The following WWOX variants were observed in gnomAD, a reference collection of about 807,000 sequenced individuals.
WWOX encodes WW domain-containing oxidoreductase.
WWOX carries 69 observed loss-of-function variants against 46.2 expected under a neutral mutation model. That is an observed-to-expected ratio of 1.49 (90% CI 1.23 to 1.82). The LOEUF (loss-of-function observed/expected upper bound fraction) is 1.82. Among genes scored for constraint, WWOX ranks in the 40% most tolerant of loss-of-function variants. WWOX has a pLI of 0.00. For synonymous variants in WWOX, 359 were observed against 202.6 expected, an observed-to-expected ratio of 1.77 and a Z score of -6.56; for missense variants, 919 against 542.6, an observed-to-expected ratio of 1.69 and a Z score of -6.89.
At chr16:78,740,492 C>T (rs1461774306) in intron 8 of WWOX, among the ~76,000 whole-genome samples, 3 of 152,142 alleles carry the variant, frequency 2.0e-5, no homozygotes, top group Non-Finnish European at 2.9e-5. Flanking sequence ...TTCCGTTGCC[C>T]TCTGACCATG....
intron 8 of WWOX, among the ~76,000 whole-genome samples, chr16:78,467,445 A>G (rs1218058476): frequency 6.6e-6 from 1 of 152,222 alleles, no homozygotes; most frequent in Non-Finnish European, 1.5e-5. Flanking sequence ...TAAAACAGAA[A>G]TTAAAGACTG....
intron 8 of WWOX, among the ~76,000 whole-genome samples, chr16:78,791,764 C>G (rs62038602): frequency 0.14 from 21,533 of 152,036 alleles, 1,992 homozygotes; most frequent in South Asian, 0.21. Context: ...CCTATAATTG[C>G]AGCTACTTGG....
In WWOX at chr16:79,135,637, C is replaced by G. The variant is rs190544410; in HGVS notation, c.1057-75971C>G. 3.3e-5 allele frequency among the ~76,000 whole-genome samples: 5 copies of G among 152,200 alleles called. No individual in the cohort carries two copies. The East Asian group carries it at 9.7e-4, about 29-fold the overall frequency. On this transcript the variant is annotated intron_variant, in intron 8 of 8. Coordinates refer to ENST00000566780, the MANE Select transcript of WWOX (RefSeq NM_016373.4). Reference sequence around the variant, plus strand: ...AATGAGATGTACTTCAAATTTTTAACAGATATTTCAGTATTGACCTCCCAA... The same window carrying G: ...AATGAGATGTACTTCAAATTTTTAAGAGATATTTCAGTATTGACCTCCCAA...
At chr16:78,188,759 A>C (rs892310231) in intron 5 of WWOX, among the ~76,000 whole-genome samples, 1 of 152,136 alleles carries the variant, frequency 6.6e-6, no homozygotes, top group African/African-American at 2.4e-5. Flanking sequence ...AAGATCCTTC[A>C]TGGCTACTGG....
chr16:79,189,116 G>GGA (rs768497767), intron 8 of WWOX, among the ~76,000 whole-genome samples: 126 of 152,278 alleles, frequency 8.3e-4, no homozygotes, highest in Middle Eastern at 6.8e-3. Flanking sequence ...AGAAACCTAG[G>GGA]GAGAGAGATG....
chr16:78,450,571 C>G lies in WWOX; in HGVS notation c.1056+17819C>G, dbSNP rs376715831. On this transcript the variant is annotated intron_variant, in intron 8 of 8. Coordinates refer to ENST00000566780, the MANE Select transcript of WWOX (RefSeq NM_016373.4). ...ACCTGCATAATGTTTTCTTAGTATTCTCACTCTTTAAAAGAAAAAAGAAAA... is the reference window on the plus strand; with the variant it reads ...ACCTGCATAATGTTTTCTTAGTATTGTCACTCTTTAAAAGAAAAAAGAAAA... Among the ~76,000 whole-genome samples the G allele has an allele frequency of 5.6e-4, 85 of 152,206 alleles. No homozygotes were observed. The South Asian group carries it at 0.012, about 22-fold the overall frequency.
At chr16:78,176,772 T>G (rs934132500) in intron 5 of WWOX, among the ~76,000 whole-genome samples, 2 of 152,136 alleles carry the variant, frequency 1.3e-5, no homozygotes, top group African/African-American at 4.8e-5. Context: ...TACAGGATGC[T>G]TAAAATCTAC....
chr16:78,468,068 C>A (rs1438379887), intron 8 of WWOX, among the ~76,000 whole-genome samples: 1 of 152,148 alleles, frequency 6.6e-6, no homozygotes, highest in African/African-American at 2.4e-5. Context: ...AGCCACCAAT[C>A]AAAACTGACA....
chr16:78,421,809 C>G lies in WWOX; in HGVS notation c.606-3061C>G, dbSNP rs193144747. On this transcript the variant is annotated intron_variant, in intron 6 of 8. Coordinates refer to ENST00000566780, the MANE Select transcript of WWOX (RefSeq NM_016373.4). ...AAACATTATCAATGATAAAATACTT[C>G]TCCCTCATGATATTAACTGTGCAAT... 9.3e-4 allele frequency among the ~76,000 whole-genome samples: 142 copies of G among 152,308 alleles called. 1 individual carries two copies. Among genetic ancestry groups the G allele is most frequent in the African/African-American group, 3.2e-3 (132 of 41,572 alleles).
chr16:78,160,590 C>T (rs1166098958), intron 4 of WWOX, among the ~76,000 whole-genome samples: 1 of 152,042 alleles, frequency 6.6e-6, no homozygotes, highest in Non-Finnish European at 1.5e-5. Context: ...ACATATATTT[C>T]CAGAAATGAG....
chr16:78,823,511 C>T (rs993473785), intron 8 of WWOX, among the ~76,000 whole-genome samples: 8 of 152,182 alleles, frequency 5.3e-5, no homozygotes, highest in East Asian at 1.9e-4. Context: ...CGAGAGAGGT[C>T]ACCTGTCTGT....
chr16:78,287,995 A>G (rs1005510142), intron 5 of WWOX, among the ~76,000 whole-genome samples: 6 of 152,138 alleles, frequency 3.9e-5, no homozygotes, highest in African/African-American at 1.4e-4. Flanking sequence ...TAGGGACAAC[A>G]TTTAGGAGAA....
intron 8 of WWOX, among the ~76,000 whole-genome samples, chr16:79,135,975 A>C (rs554545975): frequency 2.0e-5 from 3 of 152,176 alleles, no homozygotes; most frequent in African/African-American, 4.8e-5. Flanking sequence ...ATGGCTGACT[A>C]TTGTAAATAT....
chr16:78,727,209 G>A (rs930737909), intron 8 of WWOX, among the ~76,000 whole-genome samples: 3 of 152,136 alleles, frequency 2.0e-5, no homozygotes, highest in Non-Finnish European at 4.4e-5. Context: ...GACCAGCCTG[G>A]CCAACATGGT....
At chr16:78,327,741 C>T (rs532911589) in intron 5 of WWOX, among the ~76,000 whole-genome samples, 127 of 152,176 alleles carry the variant, frequency 8.3e-4, no homozygotes, top group Admixed American at 2.2e-3. Context: ...TTCAGACCCC[C>T]GACCATGGCT....
chr16:78,702,044 T>TA (rs1215807051), intron 8 of WWOX, among the ~76,000 whole-genome samples: 2 of 110,032 alleles, frequency 1.8e-5, no homozygotes, highest in Admixed American at 9.2e-5. Context: ...TATATATATA[T>TA]AAAATAATGC....
intron 6 of WWOX, among the ~76,000 whole-genome samples, chr16:78,415,333 C>T (rs1424671052): frequency 6.6e-6 from 1 of 151,938 alleles, no homozygotes; most frequent in Admixed American, 6.6e-5. Flanking sequence ...TAAGGATGAC[C>T]AAATGTCGTT....
chr16:78,781,307 A>C (rs2050317813), intron 8 of WWOX, among the ~76,000 whole-genome samples: 1 of 152,166 alleles, frequency 6.6e-6, no homozygotes, highest in Non-Finnish European at 1.5e-5. Context: ...ATTTCTAAAA[A>C]GTTGGAAGGA....
At chr16:78,890,786 G>C (rs1177653737) in intron 8 of WWOX, 1 of 152,152 alleles carries the variant, frequency 6.6e-6, no homozygotes, top group African/African-American at 2.4e-5. Flanking sequence ...CCTTGTTCAA[G>C]GTAACAGTAT....
Sources: allele counts gnomAD v4.1 joint callset (sites outside exome capture counted in the v4.1 genomes callset), GRCh38; gene constraint gnomAD v4.1.1; transcripts MANE v1.5; gene names NCBI Gene and HGNC (gene_info 2026-07-23, HGNC 2026-07-21).